TOP1: variants seen among roughly 807,000 people sequenced by gnomAD.
TOP1 encodes the protein DNA topoisomerase I, also known as DNA topoisomerase 1.
In TOP1, 10 loss-of-function variants were observed where a neutral mutation model predicts 111.1. The observed-to-expected ratio is 0.09, with a 90% CI of 0.06 to 0.15. TOP1 has a LOEUF of 0.15. Among genes scored for constraint, TOP1 ranks in the 10% least tolerant of loss-of-function variants. TOP1 has a pLI of 1.00. For missense variants in TOP1, 474 were observed against 926.7 expected, an observed-to-expected ratio of 0.51 and a Z score of 6.34; for synonymous variants, 271 against 302.9, an observed-to-expected ratio of 0.89 and a Z score of 1.10.
chr20:41,080,220 A>T lies in TOP1; in HGVS notation c.431+40A>T. ...AAAACTTTGACTTTTGAAAACAAAA[A>T]GGAGGAGTTTAAAGAATAAATGTGA... On this transcript the variant is annotated intron_variant, in intron 6 of 20. Transcript: ENST00000361337. The surrounding 1 kb of genome is among the most constrained non-coding windows in gnomAD (Gnocchi z 5.0). The T allele has an allele frequency of 2.4e-6, 3 of 1,241,844 alleles. No homozygotes were observed. Among genetic ancestry groups the T allele is most frequent in the Non-Finnish European group, 3.5e-6 (3 of 864,510 alleles). The allele number at this position is 1,241,844 out of a possible 1,614,324, so 76.9% of individuals were successfully genotyped here. A position where few individuals can be genotyped will look rare whatever the true frequency, so the allele number is the denominator to read the frequency against.
intron 3 of TOP1, among the ~76,000 whole-genome samples, chr20:41,066,680 G>A (rs2033612300): frequency 6.7e-6 from 1 of 149,704 alleles, no homozygotes; most frequent in African/African-American, 2.5e-5. Context: ...TCAGCCTCCC[G>A]AGTAGCTGGG....
chr20:41,074,465 G>A (rs1192118563), intron 3 of TOP1, among the ~76,000 whole-genome samples: 1 of 150,610 alleles, frequency 6.6e-6, no homozygotes, highest in East Asian at 2.0e-4. Flanking sequence ...AAATATGTAA[G>A]CAAGGGAAAG....
At chr20:41,045,752 A>G (rs902415195) in intron 2 of TOP1, among the ~76,000 whole-genome samples, 6 of 152,240 alleles carry the variant, frequency 3.9e-5, no homozygotes, top group African/African-American at 1.4e-4. Context: ...ATATCCTACT[A>G]TAAGTGGTAG....
In TOP1 at chr20:41,078,320, G is replaced by C. The variant is rs568662750; in HGVS notation, c.335+683G>C. Among the ~76,000 whole-genome samples, 3 of 152,264 alleles carry C rather than the reference G, an allele frequency of 2.0e-5. No individual in the cohort carries two copies. The highest frequency in any genetic ancestry group is 7.2e-5 in the African/African-American group (3 of 41,546). ...GTCCCCTCTAGTTTCGAAACAACTA[G>C]ATGTTTATTGTTACATATTCTCACT... is the stretch of plus-strand genomic sequence containing the variant. On this transcript the variant is annotated intron_variant, in intron 5 of 20. Transcript: ENST00000361337. This position sits in a 1 kb window ranked among gnomAD's most constrained non-coding sequence, Gnocchi z 5.3.
At chr20:41,108,488 A>G (rs2034182520) in intron 13 of TOP1, among the ~76,000 whole-genome samples, 1 of 152,184 alleles carries the variant, frequency 6.6e-6, no homozygotes, top group Admixed American at 6.5e-5. Context: ...TGTCACAGTT[A>G]CACTACTTCT....
chr20:41,112,673 A>C lies in TOP1; in HGVS notation c.1309-109A>C. 1 of 1,216,498 alleles carries C rather than the reference A, an allele frequency of 8.2e-7. No homozygotes were observed. Among genetic ancestry groups the C allele is most frequent in the Middle Eastern group, 2.0e-4 (1 of 5,030 alleles). The allele number at this position is 1,216,498 out of a possible 1,614,324, so 75.4% of individuals were successfully genotyped here. A position where few individuals can be genotyped will look rare whatever the true frequency, so the allele number is the denominator to read the frequency against. ...GCAATTCTTGTGTCTTAGCCTCCCTATTAGCTAGCTGGGATTATAGGCTTG... is the reference window on the plus strand; with the variant it reads ...GCAATTCTTGTGTCTTAGCCTCCCTCTTAGCTAGCTGGGATTATAGGCTTG... On this transcript the variant is annotated intron_variant, in intron 13 of 20. Coordinates refer to ENST00000361337, the MANE Select transcript of TOP1 (RefSeq NM_003286.4). This position sits in a 1 kb window ranked among gnomAD's most constrained non-coding sequence, Gnocchi z 5.8.
intron 2 of TOP1, among the ~76,000 whole-genome samples, chr20:41,051,643 TC>T (rs1156762876): frequency 6.6e-6 from 1 of 152,162 alleles, no homozygotes; most frequent in African/African-American, 2.4e-5. Context: ...ACCTGTAAGT[TC>T]GTTAGGCTTC....
chr20:41,070,038 A>G (rs551893312), intron 3 of TOP1, among the ~76,000 whole-genome samples: 2 of 152,348 alleles, frequency 1.3e-5, no homozygotes, highest in African/African-American at 4.8e-5. Flanking sequence ...TGCCATTTCA[A>G]AAAGTTGGAA....
At chr20:41,107,850 G>A (rs1035453277) in intron 13 of TOP1, among the ~76,000 whole-genome samples, 1 of 151,874 alleles carries the variant, frequency 6.6e-6, no homozygotes, top group Admixed American at 6.6e-5. Flanking sequence ...TTTTGTCTTG[G>A]AGGGAGTCTC....
chr20:41,087,559 C>T (rs904422744), intron 8 of TOP1, among the ~76,000 whole-genome samples: 14 of 152,082 alleles, frequency 9.2e-5, no homozygotes, highest in Non-Finnish European at 5.9e-5. Context: ...TGTTGCAAGA[C>T]CAAGACTCAT....
intron 2 of TOP1, among the ~76,000 whole-genome samples, chr20:41,051,651 C>T (rs1053642245): frequency 2.6e-5 from 4 of 152,136 alleles, no homozygotes; most frequent in African/African-American, 4.8e-5. Context: ...GTTCGTTAGG[C>T]TTCCGGGTAC....
intron 4 of TOP1, among the ~76,000 whole-genome samples, chr20:41,076,684 CCTT>C (rs1427273771): frequency 2.0e-5 from 3 of 152,114 alleles, no homozygotes; most frequent in Non-Finnish European, 4.4e-5. Context: ...CCAGTGCAAG[CCTT>C]CTAAAAATGA....
rs569262399 is a variant in TOP1 at position 41,102,347 on chromosome 20, A to G, written c.1308+994A>G. ...TTTTCTGGCTGGGTGTGGTGGCTCA[A>G]GCCTGTAATCCCAGCACTTTGGGAG... On this transcript the variant is annotated intron_variant, in intron 13 of 20. Coordinates refer to ENST00000361337, the MANE Select transcript of TOP1 (RefSeq NM_003286.4). This position sits in a 1 kb window ranked among gnomAD's most constrained non-coding sequence, Gnocchi z 4.0. Among the ~76,000 whole-genome samples, 2 of 152,138 alleles carry G rather than the reference A, an allele frequency of 1.3e-5. No homozygotes were observed. The highest frequency in any genetic ancestry group is 2.4e-5 in the African/African-American group (1 of 41,420).
At chr20:41,087,212 A>G (rs899994677) in intron 8 of TOP1, among the ~76,000 whole-genome samples, 1 of 152,188 alleles carries the variant, frequency 6.6e-6, no homozygotes, top group Non-Finnish European at 1.5e-5. Flanking sequence ...TTTCTTTGCT[A>G]TATCACGTTA....
At chr20:41,105,879 G>C (rs1716088537) in intron 13 of TOP1, among the ~76,000 whole-genome samples, 1 of 152,158 alleles carries the variant, frequency 6.6e-6, no homozygotes, top group Non-Finnish European at 1.5e-5. Context: ...CATGTTTCTT[G>C]TGTATATGAA....
At position 41,092,446 on chromosome 20, in the gene TOP1, A is replaced by G; in HGVS notation, c.615-26A>G. The G allele has an allele frequency of 1.7e-6, 2 of 1,208,258 alleles. No individual in the cohort carries two copies. Among genetic ancestry groups the G allele is most frequent in the Admixed American group, 2.3e-5 (1 of 43,852 alleles). 74.8% of individuals were successfully genotyped at this position (1,208,258 alleles called of 1,614,324 possible). A position where few individuals can be genotyped will look rare whatever the true frequency, so the allele number is the denominator to read the frequency against. ...CCATGTTAGACAAGGCGATCACTAA[A>G]TGAGGCTGTGCTTTGTCTTTTAAAG... On this transcript the variant is annotated intron_variant, in intron 8 of 20. Coordinates refer to ENST00000361337, the MANE Select transcript of TOP1 (RefSeq NM_003286.4). This position sits in a 1 kb window ranked among gnomAD's most constrained non-coding sequence, Gnocchi z 4.3.
At chr20:41,087,853 T>G (rs1183824968) in intron 8 of TOP1, among the ~76,000 whole-genome samples, 2 of 152,304 alleles carry the variant, frequency 1.3e-5, no homozygotes, top group East Asian at 3.9e-4. Context: ...CAAATTTTAT[T>G]ATTAAATTGG....
At position 41,116,382 on chromosome 20, in the gene TOP1, A is replaced by G; in HGVS notation, c.1812A>G (p.Glu604=). 1 of 1,614,010 alleles carries G rather than the reference A, an allele frequency of 6.2e-7. No individual in the cohort carries two copies. The highest frequency in any genetic ancestry group is 8.5e-7 in the Non-Finnish European group (1 of 1,179,914). ...ASITLQQQLK[E]LTAPDENIPA... is the part of the protein sequence containing the mutation. The stretch of plus-strand genomic sequence containing the variant: ...TCACGCTACAGCAGCAGCTAAAAGA[A>G]CTGACAGCCCGTAAGTATTGCTTGG... The change falls in exon 17 of 21, where the codon GAA becomes GAG. Residue 604 remains glutamate (E), a synonymous_variant. Transcript: ENST00000361337. The surrounding 1 kb of genome is among the most constrained non-coding windows in gnomAD (Gnocchi z 5.6).
intron 2 of TOP1, among the ~76,000 whole-genome samples, chr20:41,044,003 G>T (rs113012695): frequency 6.6e-6 from 1 of 152,218 alleles, no homozygotes; most frequent in Non-Finnish European, 1.5e-5. Context: ...CCAGCCGGGC[G>T]TGGTGGCTCA....
Sources: gnomAD v4.1 joint callset for allele counts (sites outside exome capture counted in the v4.1 genomes callset) on GRCh38, gnomAD v4.1.1 for gene constraint, Gnocchi (gnomAD v3.1) non-coding constraint, MANE v1.5 for transcripts, NCBI Gene and HGNC (gene_info 2026-07-23, HGNC 2026-07-21) for gene names.